CFAP299: variants seen among roughly 807,000 people sequenced by gnomAD.
CFAP299 encodes the protein cilia- and flagella-associated protein 299.
A neutral mutation model predicts 27.0 loss-of-function variants in CFAP299; 21 were observed. That is an observed-to-expected ratio of 0.78 (90% CI 0.55 to 1.12). The LOEUF is 1.12. CFAP299 is among the 50% of genes most tolerant of loss of function. CFAP299 has a pLI of 0.00. For missense variants in CFAP299, 310 were observed against 276.6 expected, an observed-to-expected ratio of 1.12 and a Z score of -0.86; for synonymous variants, 104 against 98.1, an observed-to-expected ratio of 1.06 and a Z score of -0.36.
At chr4:80,680,515 G>A (rs1395679592) in intron 3 of CFAP299, among the ~76,000 whole-genome samples, 3 of 151,962 alleles carry the variant, frequency 2.0e-5, no homozygotes, top group African/African-American at 7.3e-5. Flanking sequence ...TTGTAACAAG[G>A]GCAATATCTT....
In CFAP299 at chr4:80,940,758, C is replaced by T. The variant is rs370967670; in HGVS notation, c.477-4052C>T. 4.1e-3 allele frequency among the ~76,000 whole-genome samples: 618 copies of T among 152,244 alleles called. 1 individual carries two copies. The highest frequency in any genetic ancestry group is 0.014 in the Middle Eastern group (4 of 294). Reference sequence around the variant, plus strand: ...ACAAATTCCCTTTAAGTACTAATATCTCTCTGTCCTAAAAAATTATACCTT... The same window carrying T: ...ACAAATTCCCTTTAAGTACTAATATTTCTCTGTCCTAAAAAATTATACCTT... On this transcript the variant is annotated intron_variant, in intron 4 of 5. Coordinates refer to ENST00000358105, the MANE Select transcript of CFAP299 (RefSeq NM_152770.3).
intron 2 of CFAP299, among the ~76,000 whole-genome samples, chr4:80,472,995 A>T (rs1365841546): frequency 6.6e-6 from 1 of 152,190 alleles, no homozygotes; most frequent in African/African-American, 2.4e-5. Context: ...ATTACAGGCT[A>T]GTTAGTAGGG....
chr4:80,769,358 A>G (rs1044392674), intron 3 of CFAP299, among the ~76,000 whole-genome samples: 61 of 152,282 alleles, frequency 4.0e-4, no homozygotes, highest in Middle Eastern at 3.4e-3. Context: ...ATGTTACTAT[A>G]CAATAAAATA....
intron 2 of CFAP299, among the ~76,000 whole-genome samples, chr4:80,390,790 T>C (rs957297638): frequency 1.3e-4 from 19 of 143,514 alleles, no homozygotes; most frequent in Non-Finnish European, 2.7e-4. Context: ...TATACACATA[T>C]ATGTATATGT....
At chr4:80,399,245 A>T (rs1164101589) in intron 2 of CFAP299, among the ~76,000 whole-genome samples, 1 of 152,206 alleles carries the variant, frequency 6.6e-6, no homozygotes, top group Non-Finnish European at 1.5e-5. Flanking sequence ...TGTTGGTGGG[A>T]CTGCAAACTA....
intron 3 of CFAP299, among the ~76,000 whole-genome samples, chr4:80,731,587 T>TC (rs1208570682): frequency 6.6e-6 from 1 of 152,188 alleles, no homozygotes; most frequent in African/African-American, 2.4e-5. Context: ...CCAGTGCAAC[T>TC]CCATCTGCTC....
chr4:80,831,574 CCAGA>C (rs747812934), intron 3 of CFAP299, among the ~76,000 whole-genome samples: 1 of 152,092 alleles, frequency 6.6e-6, no homozygotes, highest in Admixed American at 6.6e-5. Context: ...AATACATCTT[CCAGA>C]CCTATTCCCA....
intron 2 of CFAP299, chr4:80,386,711 T>C (rs1874337): frequency 0.96 from 1,514,901 of 1,570,478 alleles, 733,604 homozygotes; most frequent in East Asian, 1. Flanking sequence ...CAGGGCGCAT[T>C]TGTGGAGCTT....
At chr4:80,782,032 C>G (rs1299773300) in intron 3 of CFAP299, among the ~76,000 whole-genome samples, 1 of 151,972 alleles carries the variant, frequency 6.6e-6, no homozygotes, top group East Asian at 1.9e-4. Context: ...CTATTTTTGC[C>G]CAGAATCATT....
At chr4:80,490,872 ATTAC>A (rs1028348233) in intron 2 of CFAP299, among the ~76,000 whole-genome samples, 13 of 152,246 alleles carry the variant, frequency 8.5e-5, no homozygotes, top group African/African-American at 2.9e-4. Context: ...TAATTCACCT[ATTAC>A]TTTTTATTGT....
intron 2 of CFAP299, among the ~76,000 whole-genome samples, chr4:80,460,409 C>G (rs1027488961): frequency 6.6e-6 from 1 of 152,092 alleles, no homozygotes; most frequent in Non-Finnish European, 1.5e-5. Context: ...ATATGTCAAA[C>G]AAATATTATA....
intron 4 of CFAP299, among the ~76,000 whole-genome samples, chr4:80,880,311 G>C (rs909747083): frequency 3.3e-5 from 5 of 152,056 alleles, no homozygotes; most frequent in African/African-American, 9.7e-5. Context: ...TTGAGAGAAG[G>C]TGGGGGAATG....
At chr4:80,390,756 C>CATATATGT (rs1416713330) in intron 2 of CFAP299, among the ~76,000 whole-genome samples, 4 of 96,242 alleles carry the variant, frequency 4.2e-5, no homozygotes, top group Non-Finnish European at 6.4e-5. Flanking sequence ...TATATACACA[C>CATATATGT]ATATGTATAT....
At chr4:80,349,197 T>C (rs1722903945) in intron 1 of CFAP299, among the ~76,000 whole-genome samples, 1 of 152,170 alleles carries the variant, frequency 6.6e-6, no homozygotes, top group South Asian at 2.1e-4. Flanking sequence ...TGGAGAAGCT[T>C]AAGGAAGAGA....
intron 3 of CFAP299, among the ~76,000 whole-genome samples, chr4:80,648,141 G>C (rs566913582): frequency 1.3e-5 from 2 of 152,228 alleles, no homozygotes; most frequent in African/African-American, 4.8e-5. Context: ...ATTAGGTGTG[G>C]AAAAATAATT....
At chr4:80,758,128 T>C (rs1224716628) in intron 3 of CFAP299, among the ~76,000 whole-genome samples, 1 of 152,194 alleles carries the variant, frequency 6.6e-6, no homozygotes, top group African/African-American at 2.4e-5. Context: ...GACAGCCTTT[T>C]GCACCTGGAC....
chr4:80,431,072 C>T (rs906586186), intron 2 of CFAP299, among the ~76,000 whole-genome samples: 1 of 152,172 alleles, frequency 6.6e-6, no homozygotes, highest in Non-Finnish European at 1.5e-5. Context: ...CTGTCTCTTC[C>T]TTATCTATAT....
intron 3 of CFAP299, among the ~76,000 whole-genome samples, chr4:80,738,662 C>T (rs192262852): frequency 0.01 from 1,470 of 141,720 alleles, 19 homozygotes; most frequent in South Asian, 0.064. Context: ...ATCATTGGGT[C>T]TTTTTTTTTT....
intron 3 of CFAP299, among the ~76,000 whole-genome samples, chr4:80,679,130 T>C (rs1719665951): frequency 6.6e-6 from 1 of 152,056 alleles, no homozygotes; most frequent in African/African-American, 2.4e-5. Flanking sequence ...AATTTTGTCA[T>C]TTTGAGAATT....
Sources: gnomAD v4.1 joint callset for allele counts (sites outside exome capture counted in the v4.1 genomes callset) on GRCh38, gnomAD v4.1.1 for gene constraint, MANE v1.5 for transcripts, NCBI Gene and HGNC (gene_info 2026-07-23, HGNC 2026-07-21) for gene names.